Variants in RIMS2 observed in about 807,000 individuals in gnomAD.
RIMS2 encodes regulating synaptic membrane exocytosis protein 2.
RIMS2 carries 59 observed loss-of-function variants against 174.4 expected under a neutral mutation model. The ratio of observed to expected loss-of-function variants is 0.34; its 90% CI spans 0.27 to 0.42. The LOEUF is 0.42. Ranked by LOEUF, RIMS2 falls within the 10% of genes least tolerant of loss-of-function variation. The probability of loss-of-function intolerance (pLI) is 1.00; values close to 1 mark genes in which losing one functional copy is unlikely to be tolerated. For missense variants in RIMS2, 1,620 were observed against 1,666.3 expected, an observed-to-expected ratio of 0.97 and a Z score of 0.48; for synonymous variants, 606 against 572.5, an observed-to-expected ratio of 1.06 and a Z score of -0.84.
intron 1 of RIMS2, among the ~76,000 whole-genome samples, chr8:103,665,100 G>A (rs1329378857): frequency 2.0e-5 from 3 of 152,176 alleles, no homozygotes; most frequent in Non-Finnish European, 4.4e-5. Context: ...CACAGGGTGG[G>A]GAACATCACA....
At chr8:103,751,299 G>A (rs951916702) in intron 2 of RIMS2, among the ~76,000 whole-genome samples, 1 of 151,926 alleles carries the variant, frequency 6.6e-6, no homozygotes, top group Non-Finnish European at 1.5e-5. Context: ...TGGCTGCATA[G>A]TATTCCATGG....
chr8:104,209,063 A>T (rs1437075562), intron 19 of RIMS2, among the ~76,000 whole-genome samples: 1 of 152,252 alleles, frequency 6.6e-6, no homozygotes, highest in Admixed American at 6.5e-5. Context: ...CTTTTTGAGG[A>T]TAATCAGGAT....
chr8:103,664,800 C>A (rs979137604), intron 1 of RIMS2, among the ~76,000 whole-genome samples: 9 of 152,174 alleles, frequency 5.9e-5, no homozygotes, highest in African/African-American at 2.2e-4. Context: ...GATTATAAAT[C>A]ATGCTATTAT....
At chr8:104,092,759 A>C (rs1166352960) in intron 19 of RIMS2, among the ~76,000 whole-genome samples, 1 of 151,948 alleles carries the variant, frequency 6.6e-6, no homozygotes, top group Non-Finnish European at 1.5e-5. Context: ...TGTCAAAATA[A>C]AGTTAAATTT....
intron 2 of RIMS2, among the ~76,000 whole-genome samples, chr8:103,732,593 G>C (rs898664390): frequency 1.3e-5 from 2 of 152,130 alleles, no homozygotes; most frequent in Non-Finnish European, 2.9e-5. Context: ...CCAGGGCCTG[G>C]AGTTGGGAAC....
At chr8:103,840,577 A>T (rs1017223218) in intron 3 of RIMS2, among the ~76,000 whole-genome samples, 1 of 151,910 alleles carries the variant, frequency 6.6e-6, no homozygotes, top group Non-Finnish European at 1.5e-5. Flanking sequence ...ATTTTTGTGT[A>T]TGTTTTCTGT....
intron 19 of RIMS2, among the ~76,000 whole-genome samples, chr8:104,152,644 C>T (rs951085441): frequency 6.6e-6 from 1 of 151,910 alleles, no homozygotes; most frequent in South Asian, 2.1e-4. Flanking sequence ...TATCAAAAGT[C>T]ATTATCTACA....
At chr8:103,521,591 T>A (rs980356101) in intron 1 of RIMS2, among the ~76,000 whole-genome samples, 10 of 152,282 alleles carry the variant, frequency 6.6e-5, no homozygotes, top group African/African-American at 2.2e-4. Flanking sequence ...TAGTTTTCAG[T>A]AATTGCAGAA....
At chr8:103,708,044 G>A (rs977297572) in intron 2 of RIMS2, among the ~76,000 whole-genome samples, 4 of 152,174 alleles carry the variant, frequency 2.6e-5, no homozygotes, top group African/African-American at 9.6e-5. Flanking sequence ...GCCTGAAGTC[G>A]GGAGAGGAGT....
intron 1 of RIMS2, among the ~76,000 whole-genome samples, chr8:103,669,111 G>A (rs1336714557): frequency 6.6e-6 from 1 of 152,138 alleles, no homozygotes; most frequent in African/African-American, 2.4e-5. Context: ...GGCTGGGGAG[G>A]CCTCACAATC....
chr8:103,785,913 G>A lies in RIMS2; in HGVS notation c.698+19376G>A, dbSNP rs2098439176. Among the ~76,000 whole-genome samples, 6 of 152,298 alleles carry A rather than the reference G, an allele frequency of 3.9e-5. No individual in the cohort carries two copies. The South Asian group carries it at 1.2e-3, about 32-fold the overall frequency. ...TCCATCTGGTCCTGGACTCTTTTTG[G>A]TTGGTAAGCTATTGATTATTGCCAC... On this transcript the variant is annotated intron_variant, in intron 3 of 23. Coordinates refer to ENST00000504942, the Ensembl canonical transcript of RIMS2.
intron 19 of RIMS2, among the ~76,000 whole-genome samples, chr8:104,175,630 T>C (rs2135671784): frequency 6.6e-6 from 1 of 152,292 alleles, no homozygotes; most frequent in South Asian, 2.1e-4. Context: ...CTTCTCCAGT[T>C]ACATTACTGA....
rs150579125 is a variant in RIMS2, at chr8:103,694,371, C to T, written c.177-2715C>T. On this transcript the variant is annotated intron_variant, in intron 1 of 23. Transcript: ENST00000504942. ...TGCTGAGTGGGCCTGGAACTTGTAT[C>T]TTCTGGTGCCATCCTGGAGGCTGGG... Among the ~76,000 whole-genome samples, 970 of 152,046 alleles carry T rather than the reference C, an allele frequency of 6.4e-3. 12 individuals carry two copies. Among genetic ancestry groups the T allele is most frequent in the African/African-American group, 0.022 (900 of 41,476 alleles).
At position 103,768,927 on chromosome 8, in the gene RIMS2, A is replaced by G. The variant is rs150475752; in HGVS notation, c.698+2390A>G. 1.6e-4 allele frequency: 72 copies of G among 446,162 alleles called. 1 individual carries two copies. Among genetic ancestry groups the G allele is most frequent in the African/African-American group, 1.3e-3 (66 of 49,504 alleles). The allele number at this position is 446,162 out of a possible 1,614,324, so 27.6% of individuals were successfully genotyped here. ...AATATGCTTAACTTTTGGCCAAGAG[A>G]ATGAAGGAGGCTAAACAGAAGCGTC... On this transcript the variant is annotated intron_variant, in intron 3 of 23. Transcript: ENST00000504942.
intron 2 of RIMS2, among the ~76,000 whole-genome samples, chr8:103,741,413 T>C (rs528248838): frequency 6.6e-6 from 1 of 152,122 alleles, no homozygotes; most frequent in Non-Finnish European, 1.5e-5. Flanking sequence ...GTGAACAAAA[T>C]TATAGTAATC....
intron 3 of RIMS2, among the ~76,000 whole-genome samples, chr8:103,796,965 T>C (rs2098553965): frequency 6.6e-6 from 1 of 152,082 alleles, no homozygotes; most frequent in Admixed American, 6.6e-5. Context: ...TAATAATACA[T>C]GGGAGGAGGG....
intron 19 of RIMS2, among the ~76,000 whole-genome samples, chr8:104,060,190 C>T (rs1175835010): frequency 6.6e-6 from 1 of 151,508 alleles, no homozygotes; most frequent in Non-Finnish European, 1.5e-5. Flanking sequence ...GCTGTGAATC[C>T]ATCTGGTCCT....
chr8:103,597,619 T>C (rs993301843), intron 1 of RIMS2, among the ~76,000 whole-genome samples: 1 of 152,144 alleles, frequency 6.6e-6, no homozygotes, highest in African/African-American at 2.4e-5. Flanking sequence ...CCCTCTCCTT[T>C]GAACTCTTTT....
chr8:103,957,502 C>G (rs765479566), intron 14 of RIMS2, among the ~76,000 whole-genome samples: 14 of 152,236 alleles, frequency 9.2e-5, no homozygotes, highest in Non-Finnish European at 1.8e-4. Context: ...TAAACTAACA[C>G]AAGAACAGAA....
Sources: gnomAD v4.1 joint callset for allele counts (sites outside exome capture counted in the v4.1 genomes callset) on GRCh38, gnomAD v4.1.1 for gene constraint, MANE v1.5 for transcripts, NCBI Gene and HGNC (gene_info 2026-07-23, HGNC 2026-07-21) for gene names.